Variants in TLE2 observed in about 807,000 individuals in gnomAD.
TLE2 encodes the protein TLE family member 2, transcriptional corepressor.
Under a neutral mutation model 97.2 loss-of-function variants are expected in TLE2, and 74 were observed. The ratio of observed to expected loss-of-function variants is 0.76; its 90% CI spans 0.63 to 0.92. The LOEUF is 0.92. Ranked by LOEUF, TLE2 falls within the 40% of genes least tolerant of loss-of-function variation. The pLI, the probability that TLE2 is intolerant of heterozygous loss-of-function variation, is 0.00. For missense variants in TLE2, 1,038 were observed against 1,008.7 expected, an observed-to-expected ratio of 1.03 and a Z score of -0.39; for synonymous variants, 499 against 432.1, an observed-to-expected ratio of 1.15 and a Z score of -1.92.
chr19:3,037,422 A>G (rs1251383966), intron 1 of TLE2, among the ~76,000 whole-genome samples: 1 of 152,238 alleles, frequency 6.6e-6, no homozygotes, highest in Non-Finnish European at 1.5e-5. Context: ...GACAGAAGAA[A>G]GATGGGGCAG....
chr19:3,025,521 T>C lies in TLE2; in HGVS notation c.232-439A>G, dbSNP rs923487992. On this transcript the variant is annotated intron_variant, in intron 4 of 19. Transcript: ENST00000262953. ...ACGTCTGTCCCAGGCAAGGCCCCTTTCTTGGTCTCCTCCGCTTCCCAGGAC... is the reference window on the plus strand; with the variant it reads ...ACGTCTGTCCCAGGCAAGGCCCCTTCCTTGGTCTCCTCCGCTTCCCAGGAC... 4 of 996,152 alleles carry C rather than the reference T, an allele frequency of 4.0e-6. No individual in the cohort carries two copies. In the African/African-American group the frequency reaches 7.0e-5, roughly 17 times the overall value. 61.7% of individuals were successfully genotyped at this position (996,152 alleles called of 1,614,324 possible).
intron 1 of TLE2, among the ~76,000 whole-genome samples, chr19:3,040,758 T>G (rs898777203): frequency 6.6e-6 from 1 of 151,678 alleles, no homozygotes; most frequent in African/African-American, 2.4e-5. Flanking sequence ...CACCTCAACC[T>G]CCCAAGTAGC....
At chr19:3,041,009 A>ATTT (rs2090097410) in intron 1 of TLE2, among the ~76,000 whole-genome samples, 1 of 36,806 alleles carries the variant, frequency 2.7e-5, no homozygotes, top group Non-Finnish European at 4.7e-5. Flanking sequence ...ATATATATAT[A>ATTT]TATATTTTTT....
rs1408422545 is a variant in TLE2 at position 3,005,333 on chromosome 19, A to AGTCCT, written c.1896+99_1896+103dup. 3.2e-5 allele frequency: 46 copies of AGTCCT among 1,415,908 alleles called. No homozygotes were observed. In the South Asian group the frequency reaches 6.0e-4, roughly 19 times the overall value. 87.7% of individuals were successfully genotyped at this position (1,415,908 alleles called of 1,614,324 possible). A position where few individuals can be genotyped will look rare whatever the true frequency, so the allele number is the denominator to read the frequency against. On this transcript the variant is annotated intron_variant, in intron 17 of 19. Coordinates refer to ENST00000262953, the MANE Select transcript of TLE2 (RefSeq NM_003260.5). ...AAAGATGGACACCACAGCAGATGGGAGTCCTGTCCTGTCCTGCCTCTGGAA... is the reference window on the plus strand; with the variant it reads ...AAAGATGGACACCACAGCAGATGGGAGTCCTGTCCTGTCCTGTCCTGCCTCTGGAA...
intron 19 of TLE2, among the ~76,000 whole-genome samples, chr19:2,998,699 C>T (rs1403457206): frequency 6.6e-6 from 1 of 152,164 alleles, no homozygotes; most frequent in Non-Finnish European, 1.5e-5. Flanking sequence ...AAGCGTGAGC[C>T]ACCGCGCCCG....
intron 19 of TLE2, among the ~76,000 whole-genome samples, chr19:3,000,061 G>A (rs1822522796): frequency 1.3e-5 from 2 of 150,914 alleles, no homozygotes; most frequent in Non-Finnish European, 3.0e-5. Context: ...GAGTAAGATG[G>A]CAAATTTTAT....
chr19:3,025,479 C>T, intron 4 of TLE2: 1 of 1,019,522 alleles, frequency 9.8e-7, no homozygotes, highest in Non-Finnish European at 1.2e-6. Flanking sequence ...TCCCAGATTC[C>T]AGCCCCGGCT....
chr19:3,002,689 T>C (rs1255121525), intron 17 of TLE2, among the ~76,000 whole-genome samples, 186 bp from the exon 18 acceptor site: 1 of 150,410 alleles, frequency 6.6e-6, no homozygotes, highest in Non-Finnish European at 1.5e-5. Context: ...GCATGCACCA[T>C]CACGCTGGAT....
chr19:3,014,333 G>A (rs1047213429), intron 10 of TLE2, among the ~76,000 whole-genome samples: 3 of 152,160 alleles, frequency 2.0e-5, no homozygotes, highest in African/African-American at 7.2e-5. Flanking sequence ...GGCCAGGGAA[G>A]GGGGTGTCAC....
rs553734910 is a variant in TLE2 at position 3,043,466 on chromosome 19, C to T, written c.63+2260G>A. Among the ~76,000 whole-genome samples the T allele has an allele frequency of 5.9e-5, 9 of 151,484 alleles. No homozygotes were observed. The South Asian group carries it at 1.7e-3, about 28-fold the overall frequency. On this transcript the variant is annotated intron_variant, in intron 1 of 18. Coordinates refer to the TLE2 transcript ENST00000426948. The stretch of plus-strand genomic sequence containing the variant: ...TGCTGGGATTACAGGCGTGAGCCAC[C>T]GCGCCATGCCTGGCCTCTGCAGCTT...
At chr19:3,021,568 A>G (rs1266711654) in intron 5 of TLE2, among the ~76,000 whole-genome samples, 2 of 152,166 alleles carry the variant, frequency 1.3e-5, no homozygotes, top group Non-Finnish European at 2.9e-5. Context: ...TATAAAATAA[A>G]TTTAATAGGC....
At position 3,002,476 on chromosome 19, in the gene TLE2, G is replaced by T; in HGVS notation, c.1924C>A (p.Gln642Lys). Residue 642 changes from glutamine to lysine, a missense_variant, in exon 18 of 20, where the codon CAG (glutamine) becomes AAG (lysine). By Grantham distance (53) the Gln-to-Lys change is moderately conservative (BLOSUM62 1). Coordinates refer to ENST00000262953, the MANE Select transcript of TLE2 (RefSeq NM_003260.5). ...QIFSLGHCPN[Q>K]DWLAVGMESS... ...TCCATTCCGACCGCCAGCCAGTCCTGGTTAGGGCAGTGGCCCAGGGAGAAA... is the reference window on the plus strand; with the variant it reads ...TCCATTCCGACCGCCAGCCAGTCCTTGTTAGGGCAGTGGCCCAGGGAGAAA... 6.3e-7 allele frequency: 1 copy of T among 1,592,788 alleles called. No homozygotes were observed. Among genetic ancestry groups the T allele is most frequent in the Non-Finnish European group, 8.5e-7 (1 of 1,169,812 alleles).
chr19:3,042,691 C>T (rs1384533584), intron 1 of TLE2, among the ~76,000 whole-genome samples: 1 of 151,594 alleles, frequency 6.6e-6, no homozygotes, highest in African/African-American at 2.4e-5. Flanking sequence ...CTATTTGCTT[C>T]ATATTAGGGG....
Position 3,008,868 on chromosome 19 carries a change from C to T in TLE2, c.1250+1G>A, listed in dbSNP as rs377527951. Reference sequence around the variant, plus strand: ...GCAGGGAGCCCCACCCTGGTACTCACGGCTTTCCCCCAGGGATGCTGGGTA... The same window carrying T: ...GCAGGGAGCCCCACCCTGGTACTCATGGCTTTCCCCCAGGGATGCTGGGTA... On this transcript the variant is annotated splice_donor_variant, in intron 14 of 19. Transcript: ENST00000262953. LOFTEE classifies it high-confidence loss of function. 2.5e-5 allele frequency: 39 copies of T among 1,576,826 alleles called. No individual in the cohort carries two copies. Among genetic ancestry groups the T allele is most frequent in the Non-Finnish European group, 2.3e-5 (27 of 1,161,196 alleles).
intron 1 of TLE2, chr19:3,045,628 C>G (rs769262734): frequency 5.5e-6 from 2 of 362,876 alleles, no homozygotes; most frequent in Non-Finnish European, 1.1e-5. Flanking sequence ...ACCAGCCTGG[C>G]CAACATGGTG....
chr19:3,044,224 C>T (rs1378444301), intron 1 of TLE2, among the ~76,000 whole-genome samples: 2 of 152,002 alleles, frequency 1.3e-5, no homozygotes, highest in African/African-American at 4.8e-5. Context: ...GGGGCCTCCT[C>T]GTGACTTTCT....
upstream of TLE2, among the ~76,000 whole-genome samples, chr19:3,030,077 A>C (rs896390490): frequency 4.6e-5 from 7 of 152,170 alleles, no homozygotes; most frequent in Non-Finnish European, 1.0e-4. Flanking sequence ...TGCTGGGATT[A>C]CGGGCGGGAG....
intron 19 of TLE2, among the ~76,000 whole-genome samples, chr19:2,998,420 G>C (rs1054404729): frequency 6.6e-6 from 1 of 152,026 alleles, no homozygotes; most frequent in Admixed American, 6.6e-5. Context: ...TGGGATTGCA[G>C]GTGCATGCCA....
chr19:3,017,261 C>T (rs557526697), intron 8 of TLE2, among the ~76,000 whole-genome samples: 1 of 152,156 alleles, frequency 6.6e-6, no homozygotes, highest in South Asian at 2.1e-4. Flanking sequence ...CCTTGACCTC[C>T]CGAGTAGCTG....
Sources: gnomAD v4.1 joint callset for allele counts (sites outside exome capture counted in the v4.1 genomes callset) on GRCh38, gnomAD v4.1.1 for gene constraint, MANE v1.5 for transcripts, NCBI Gene and HGNC (gene_info 2026-07-23, HGNC 2026-07-21) for gene names.